The following PDHX variants were observed in gnomAD, a reference collection of about 807,000 sequenced individuals.
PDHX encodes pyruvate dehydrogenase protein X component, mitochondrial.
PDHX carries 33 observed loss-of-function variants against 55.3 expected under a neutral mutation model. The ratio of observed to expected loss-of-function variants is 0.60; its 90% confidence interval spans 0.45 to 0.80. The LOEUF is 0.80. Ranked by LOEUF, PDHX falls within the 30% of genes least tolerant of loss-of-function variation. The pLI is 0.00. For missense variants in PDHX, 622 were observed against 619.9 expected (o/e 1.00, Z -0.04); for synonymous variants, 226 against 219.4 (o/e 1.03, Z -0.27).
intron 2 of PDHX, among the ~76,000 whole-genome samples, chr11:34,941,166 G>T (rs993749040): frequency 6.6e-6 from 1 of 152,186 alleles, no homozygotes; most frequent in Non-Finnish European, 1.5e-5. Context: ...CCATAGGGCA[G>T]GACCTCAACT....
At chr11:34,966,087 AG>A (rs1421072582) in intron 5 of PDHX, among the ~76,000 whole-genome samples, 1 of 152,196 alleles carries the variant, frequency 6.6e-6, no homozygotes, top group African/African-American at 2.4e-5. Flanking sequence ...ATCATAGGTT[AG>A]ATTTGTTATA....
intron 1 of PDHX, among the ~76,000 whole-genome samples, chr11:34,920,587 T>A (rs1254654337): frequency 6.6e-6 from 1 of 152,236 alleles, no homozygotes; most frequent in African/African-American, 2.4e-5. Context: ...TTAAAATTGA[T>A]AGTTAAATCC....
chr11:34,955,200 A>G (rs368861310), intron 3 of PDHX, among the ~76,000 whole-genome samples: 11 of 152,124 alleles, frequency 7.2e-5, no homozygotes, highest in Admixed American at 5.2e-4. Flanking sequence ...ACCATGAGCT[A>G]CCATGGAGGT....
At chr11:34,936,049 A>T in intron 2 of PDHX, among the ~76,000 whole-genome samples, 1 of 152,206 alleles carries the variant, frequency 6.6e-6, no homozygotes, top group East Asian at 1.9e-4. Context: ...CACTTTTGCC[A>T]CTAATGACAG....
chr11:34,931,788 C>A (rs1212960048), intron 2 of PDHX, among the ~76,000 whole-genome samples: 1 of 149,854 alleles, frequency 6.7e-6, no homozygotes, highest in Non-Finnish European at 1.5e-5. Context: ...TTGACATTCT[C>A]CTTAATTTAT....
At chr11:34,928,798 G>A (rs1278715139) in intron 1 of PDHX, among the ~76,000 whole-genome samples, 2 of 152,120 alleles carry the variant, frequency 1.3e-5, no homozygotes, top group African/African-American at 4.8e-5. Context: ...GTGTATGTGT[G>A]TTTTCCAAGT....
At chr11:34,985,682 G>C (rs1338775126) in intron 9 of PDHX, among the ~76,000 whole-genome samples, 1 of 152,064 alleles carries the variant, frequency 6.6e-6, no homozygotes, top group Non-Finnish European at 1.5e-5. Context: ...GATTCATTTG[G>C]GTAAGTGATT....
rs139052284 is a variant in PDHX, at chr11:34,960,466, C to A, written c.589C>A (p.Leu197Met). The A allele has an allele frequency of 2.2e-4, 357 of 1,613,510 alleles. 1 individual carries two copies. In the African/African-American group the frequency reaches 3.7e-3, roughly 17 times the overall value. The stretch of plus-strand genomic sequence containing the variant: ...CCGCAATATTCTGGAAAAACACTCA[C>A]TGGATGCTAGCCAGGGCACAGCCAC... ...AARNILEKHS[L>M]DASQGTATGP... is the part of the protein sequence containing the mutation. The change falls in exon 5 of 11, where the codon CTG becomes ATG. Residue 197 changes from leucine (L) to methionine (M), a missense_variant. Transcript: ENST00000227868.
chr11:34,966,952 A>G (rs1442039824), intron 6 of PDHX, 138 bp downstream of exon 6: 4 of 737,914 alleles, frequency 5.4e-6, no homozygotes, highest in Non-Finnish European at 9.2e-6. Flanking sequence ...CCCAAGTTCA[A>G]GTGATTCTCC....
chr11:34,953,482 A>G (rs1020219988), intron 3 of PDHX, among the ~76,000 whole-genome samples: 4 of 152,366 alleles, frequency 2.6e-5, no homozygotes, highest in South Asian at 2.1e-4. Flanking sequence ...TGCTACTGCT[A>G]TCAACTCTAA....
At chr11:34,944,193 C>T (rs2133959600) in intron 2 of PDHX, among the ~76,000 whole-genome samples, 1 of 151,982 alleles carries the variant, frequency 6.6e-6, no homozygotes, top group Non-Finnish European at 1.5e-5. Context: ...GATCTTGACT[C>T]ACTGCAACCC....
chr11:34,931,342 T>C lies in PDHX; in HGVS notation c.161-62T>C, dbSNP rs1854159489. The stretch of plus-strand genomic sequence containing the variant: ...TTTGACGTTAATTTACTTGAACTTA[T>C]ATTGATGCCTCATGAGGTGCATTAT... On this transcript the variant is annotated intron_variant, in intron 1 of 10. Transcript: ENST00000227868. The C allele has an allele frequency of 2.5e-5, 22 of 868,624 alleles. 1 individual carries two copies. The South Asian group carries it at 2.6e-4, about 10-fold the overall frequency. The allele number at this position is 868,624 out of a possible 1,614,324, so 53.8% of individuals were successfully genotyped here.
intron 7 of PDHX, among the ~76,000 whole-genome samples, chr11:34,973,692 T>C (rs1855302461): frequency 6.6e-6 from 1 of 152,178 alleles, no homozygotes; most frequent in Non-Finnish European, 1.5e-5. Context: ...TTGCACTTCC[T>C]CCCTCTCATA....
chr11:34,923,259 C>A (rs1370291811), intron 1 of PDHX, among the ~76,000 whole-genome samples: 1 of 152,058 alleles, frequency 6.6e-6, no homozygotes, highest in Non-Finnish European at 1.5e-5. Flanking sequence ...TGCTTGATAT[C>A]TTTCTGTTAC....
chr11:34,938,912 A>G (rs1345362545), intron 2 of PDHX, among the ~76,000 whole-genome samples: 1 of 152,236 alleles, frequency 6.6e-6, no homozygotes, highest in Non-Finnish European at 1.5e-5. Flanking sequence ...GTGTTCTGCC[A>G]ACTGAAGGGA....
intron 2 of PDHX, among the ~76,000 whole-genome samples, chr11:34,939,518 C>T (rs1288745351): frequency 4.0e-5 from 6 of 151,022 alleles, no homozygotes; most frequent in South Asian, 2.1e-4. Context: ...CTTGCATGCG[C>T]GCAGCGTTTT....
intron 1 of PDHX, among the ~76,000 whole-genome samples, chr11:34,917,947 T>C (rs1248890534): frequency 1.3e-5 from 2 of 152,204 alleles, no homozygotes; most frequent in East Asian, 3.8e-4. Context: ...AAATGTTGGA[T>C]GAGTTTTGAT....
At chr11:34,991,256 GC>G (rs1422801336) in intron 9 of PDHX, among the ~76,000 whole-genome samples, 22 of 152,124 alleles carry the variant, frequency 1.4e-4, no homozygotes, top group Admixed American at 1.4e-3. Flanking sequence ...AAATGATTTA[GC>G]TATAGGATCA....
At chr11:34,958,179 A>G (rs974503110) in intron 4 of PDHX, among the ~76,000 whole-genome samples, 4 of 152,210 alleles carry the variant, frequency 2.6e-5, no homozygotes, top group African/African-American at 9.7e-5. Flanking sequence ...CTATATAATT[A>G]TACAACATTA....
Sources: gnomAD v4.1 joint callset for allele counts (sites outside exome capture counted in the v4.1 genomes callset) on GRCh38, gnomAD v4.1.1 for gene constraint, MANE v1.5 for transcripts, NCBI Gene and HGNC (gene_info 2026-07-23, HGNC 2026-07-21) for gene names.